The following RHOBTB2 variants were observed in gnomAD, a reference collection of about 807,000 sequenced individuals.
RHOBTB2 encodes Rho related BTB domain containing 2.
In RHOBTB2, 39 loss-of-function variants were observed where a neutral mutation model predicts 66.5. The observed-to-expected ratio is 0.59, with a 90% CI of 0.45 to 0.77. The LOEUF is 0.77. Ranked by LOEUF, RHOBTB2 falls within the 30% of genes least tolerant of loss-of-function variation. The pLI, the probability that RHOBTB2 is intolerant of heterozygous loss-of-function variation, is 0.00. For missense variants in RHOBTB2, 755 were observed against 999.1 expected, an observed-to-expected ratio of 0.76 and a Z score of 3.29; for synonymous variants, 390 against 395.0, an observed-to-expected ratio of 0.99 and a Z score of 0.15.
chr8:23,007,351 G>A lies in RHOBTB2; in HGVS notation c.1106G>A (p.Gly369Glu), dbSNP rs1810999037. 1 of 1,613,806 alleles carries A rather than the reference G, an allele frequency of 6.2e-7. No homozygotes were observed. Among genetic ancestry groups the A allele is most frequent in the South Asian group, 1.1e-5 (1 of 91,058 alleles). The part of the protein sequence containing the change: ...PAGLRASTSD[G>E]ILRGNGTGYL... Reference sequence around the variant, plus strand: ...GGCCTCCGTGCTTCCACCAGCGACGGGATCTTACGGGGCAACGGAACAGGG... The same window carrying A: ...GGCCTCCGTGCTTCCACCAGCGACGAGATCTTACGGGGCAACGGAACAGGG... The change falls in exon 5 of 10, where the codon GGG becomes GAG. Residue 369 changes from glycine to glutamate, a missense_variant. Gly to Glu is a moderately conservative substitution (Grantham distance 98). Around this residue, in one of 7 missense-constraint regions of RHOBTB2, gnomAD observed 247 missense variants for 238.9 expected, o/e 1.03. Transcript: ENST00000251822.
the RHOBTB2 span, among the ~76,000 whole-genome samples, chr8:22,973,057 AC>A: frequency 1.3e-5 from 2 of 150,822 alleles, no homozygotes; most frequent in African/African-American, 5.0e-5. Context: ...GTGCTTCTCA[AC>A]CTTGCTGCCT....
At position 23,013,912 on chromosome 8, in the gene RHOBTB2, C is replaced by T. The variant is rs533305799; in HGVS notation, c.1772-778C>T. Among the ~76,000 whole-genome samples, 91 of 152,326 alleles carry T rather than the reference C, an allele frequency of 6.0e-4. 2 individuals are homozygous for T. The highest frequency in any genetic ancestry group is 2.0e-3 in the African/African-American group (83 of 41,558). On this transcript the variant is annotated intron_variant, in intron 7 of 9. Coordinates refer to ENST00000251822, the MANE Select transcript of RHOBTB2 (RefSeq NM_015178.3). The stretch of plus-strand genomic sequence containing the variant: ...AAATCCTGCACTCTTTGGCTTGACT[C>T]CAGAGTCTTACGAGCTTCCTCTCTA...
the RHOBTB2 span, among the ~76,000 whole-genome samples, chr8:22,981,824 G>A: frequency 6.6e-6 from 1 of 152,198 alleles, no homozygotes; most frequent in Non-Finnish European, 1.5e-5. Context: ...GACGAGTTTA[G>A]GGTCTCAGCC....
chr8:22,996,071 T>A (rs189638352), upstream of RHOBTB2, among the ~76,000 whole-genome samples: 106 of 152,294 alleles, frequency 7.0e-4, no homozygotes, highest in Middle Eastern at 6.8e-3. Context: ...AGAGCCAGGA[T>A]GGAGGTTTCT....
intron 3 of RHOBTB2, 127 bp from the exon 4 acceptor site, chr8:23,005,833 C>G: frequency 1.2e-6 from 1 of 819,310 alleles, no homozygotes. Context: ...TGTTTTGTGT[C>G]AAGAGCACGT....
chr8:22,986,978 G>T (rs562555706), upstream of RHOBTB2, among the ~76,000 whole-genome samples: 1 of 152,344 alleles, frequency 6.6e-6, no homozygotes, highest in South Asian at 2.1e-4. Flanking sequence ...CCCCTACCTT[G>T]CTTCTTCGTG....
In RHOBTB2 at chr8:23,019,696, G is replaced by A. The variant is rs1811433955; in HGVS notation, c.*2227G>A. 6.5e-6 allele frequency: 1 copy of A among 153,278 alleles called. No homozygotes were observed. The allele number at this position is 153,278 out of a possible 1,614,324, so 9.5% of individuals were successfully genotyped here. ...CAGGGAAGGCCGGGGCAGAGAAAGT[G>A]AAGGTCGACCCAGGGCTGTAGGAAG... On this transcript the variant is annotated 3_prime_UTR_variant, in exon 10 of 10. Coordinates refer to ENST00000251822, the MANE Select transcript of RHOBTB2 (RefSeq NM_015178.3).
chr8:22,972,568 A>G, the RHOBTB2 span, among the ~76,000 whole-genome samples: 1 of 152,200 alleles, frequency 6.6e-6, no homozygotes, highest in Admixed American at 6.5e-5. Context: ...CCCTGCAACC[A>G]GAGAGATCTT....
At chr8:22,986,292 G>C (rs1399361450), upstream of RHOBTB2, among the ~76,000 whole-genome samples, 1 of 138,578 alleles carries the variant, frequency 7.2e-6, no homozygotes, top group African/African-American at 2.7e-5. Context: ...TTTTTTTCTG[G>C]GAGACAGGGT....
the RHOBTB2 span, among the ~76,000 whole-genome samples, chr8:22,976,550 TC>T: frequency 3.2e-4 from 48 of 152,244 alleles, 1 homozygote; most frequent in East Asian, 8.3e-3. Context: ...AAGAGAGTGA[TC>T]CCAATATTGG....
chr8:22,958,293 A>G, the RHOBTB2 span, among the ~76,000 whole-genome samples: 5 of 152,348 alleles, frequency 3.3e-5, no homozygotes, highest in South Asian at 4.1e-4. Context: ...GATGAGCTAC[A>G]TAAGTTAGTC....
At chr8:22,973,035 C>G in the RHOBTB2 span, among the ~76,000 whole-genome samples, 9 of 152,152 alleles carry the variant, frequency 5.9e-5, no homozygotes, top group African/African-American at 1.9e-4. Context: ...CTCCCTTCCC[C>G]TGACCTGGCT....
At chr8:23,015,553 T>C in intron 8 of RHOBTB2, 85 bp from the exon 9 acceptor site, 1 of 919,792 alleles carries the variant, frequency 1.1e-6, no homozygotes. Flanking sequence ...CACCAGAGCT[T>C]CAGCTCTGAA....
intron 6 of RHOBTB2, among the ~76,000 whole-genome samples, 154 bp from the exon 7 acceptor site, chr8:23,010,384 G>A (rs1243294687): frequency 6.6e-6 from 1 of 152,188 alleles, no homozygotes; most frequent in Non-Finnish European, 1.5e-5. Context: ...GGTGTTCTCA[G>A]GGTCTTCTCA....
rs115999720 is a variant in RHOBTB2, at chr8:23,020,184, A to T, written c.*2715A>T. 1,780 of 429,808 alleles carry T rather than the reference A, an allele frequency of 4.1e-3. 31 individuals carry two copies. Among genetic ancestry groups the T allele is most frequent in the African/African-American group, 0.033 (1,607 of 49,088 alleles). 26.6% of individuals were successfully genotyped at this position (429,808 alleles called of 1,614,324 possible). On this transcript the variant is annotated 3_prime_UTR_variant, in exon 10 of 10. Coordinates refer to ENST00000251822, the MANE Select transcript of RHOBTB2 (RefSeq NM_015178.3). Reference sequence around the variant, plus strand: ...TTGGTCATGGATTCATAAATACATAAGTATTTTGTACACAATGTGCTTCCT... The same window carrying T: ...TTGGTCATGGATTCATAAATACATATGTATTTTGTACACAATGTGCTTCCT...
chr8:22,976,872 G>A, the RHOBTB2 span, among the ~76,000 whole-genome samples: 2 of 150,448 alleles, frequency 1.3e-5, no homozygotes, highest in South Asian at 2.1e-4. Context: ...ATGATCCACC[G>A]GCCTCGGCCT....
the RHOBTB2 span, among the ~76,000 whole-genome samples, chr8:22,974,062 A>T: frequency 6.6e-6 from 1 of 152,032 alleles, no homozygotes; most frequent in Non-Finnish European, 1.5e-5. Context: ...TCCTCAAGGG[A>T]TGCTCTGAGG....
chr8:22,972,860 G>C, the RHOBTB2 span, among the ~76,000 whole-genome samples: 1 of 152,170 alleles, frequency 6.6e-6, no homozygotes, highest in Non-Finnish European at 1.5e-5. Context: ...TTCCAGATAT[G>C]GCCTTCTTTT....
intron 1 of RHOBTB2, among the ~76,000 whole-genome samples, chr8:22,990,735 A>G (rs903327875): frequency 8.6e-5 from 13 of 152,016 alleles, no homozygotes; most frequent in African/African-American, 2.9e-4. Context: ...GGCACCCTGA[A>G]CCGTGTGTCC....
Sources: gnomAD v4.1 joint callset for allele counts (sites outside exome capture counted in the v4.1 genomes callset) on GRCh38, gnomAD v4.1.1 for gene constraint, gnomAD v4.1.1 regional missense constraint, MANE v1.5 for transcripts, NCBI Gene and HGNC (gene_info 2026-07-23, HGNC 2026-07-21) for gene names.